Variants in CORO2B observed in about 807,000 individuals in gnomAD.
CORO2B encodes coronin-2B.
A neutral mutation model predicts 58.8 loss-of-function variants in CORO2B; 26 were observed. The observed-to-expected ratio is 0.44, with a 90% confidence interval of 0.32 to 0.61. The LOEUF (loss-of-function observed/expected upper bound fraction) is 0.61. Ranked by LOEUF, CORO2B falls within the 20% of genes least tolerant of loss-of-function variation. CORO2B has a pLI of 0.04. For synonymous variants in CORO2B, 242 were observed against 253.8 expected, an observed-to-expected ratio of 0.95 and a Z score of 0.44; for missense variants, 460 against 645.1, an observed-to-expected ratio of 0.71 and a Z score of 3.11.
Position 68,653,474 on chromosome 15 carries a change from A to T in CORO2B, c.216+8114A>T, listed in dbSNP as rs377644384. On this transcript the variant is annotated intron_variant, in intron 2 of 11. Coordinates refer to ENST00000261861, the MANE Select transcript of CORO2B (RefSeq NM_006091.5). The stretch of plus-strand genomic sequence containing the variant: ...GAGGCAGGTGCCCATCTACTCTGAG[A>T]TGGGGTCTCTTCTTTGCTGATCCTG... Among the ~76,000 whole-genome samples, 70 of 152,214 alleles carry T rather than the reference A, an allele frequency of 4.6e-4. No homozygotes were observed. The South Asian group carries it at 0.012, about 27-fold the overall frequency.
the CORO2B span, among the ~76,000 whole-genome samples, chr15:68,531,558 A>AAGAAAG: frequency 7.5e-6 from 1 of 133,242 alleles, no homozygotes; most frequent in Non-Finnish European, 1.6e-5. Context: ...GAAGGAAGGA[A>AAGAAAG]AGAAAGAGAA....
At chr15:68,698,187 T>G (rs144436761) in intron 3 of CORO2B, among the ~76,000 whole-genome samples, 1 of 152,350 alleles carries the variant, frequency 6.6e-6, no homozygotes, top group Non-Finnish European at 1.5e-5. Flanking sequence ...CCTGGCCTGC[T>G]CGCTGCAAAG....
chr15:68,701,478 A>ATTT (rs71145193), intron 3 of CORO2B, among the ~76,000 whole-genome samples: 13,665 of 38,308 alleles, frequency 0.36, 4,254 homozygotes, highest in Non-Finnish European at 0.47. Flanking sequence ...CGCCCGGCTA[A>ATTT]TTTTTTTTTT....
intron 1 of CORO2B, among the ~76,000 whole-genome samples, chr15:68,607,332 C>T (rs934302502): frequency 3.3e-5 from 5 of 152,182 alleles, no homozygotes; most frequent in African/African-American, 9.7e-5. Context: ...CTTGAGCTTC[C>T]TCATGGCATG....
intron 2 of CORO2B, among the ~76,000 whole-genome samples, chr15:68,671,808 T>C (rs1451492045): frequency 6.6e-6 from 1 of 152,202 alleles, no homozygotes; most frequent in African/African-American, 2.4e-5. Context: ...AACTGGAATC[T>C]TGTGTAACCC....
chr15:68,689,732 A>G (rs563969929), intron 2 of CORO2B, among the ~76,000 whole-genome samples: 2 of 152,326 alleles, frequency 1.3e-5, no homozygotes, highest in Admixed American at 6.5e-5. Flanking sequence ...GATTGCTGAC[A>G]TTTTTTAAAA....
the CORO2B span, among the ~76,000 whole-genome samples, chr15:68,548,088 TG>T: frequency 6.6e-6 from 1 of 151,998 alleles, no homozygotes; most frequent in Admixed American, 6.6e-5. Context: ...GGAGAATTGC[TG>T]GAACCTAGGA....
At chr15:68,696,833 T>C (rs1892523667) in intron 3 of CORO2B, among the ~76,000 whole-genome samples, 1 of 152,200 alleles carries the variant, frequency 6.6e-6, no homozygotes, top group Admixed American at 6.5e-5. Context: ...AAGCCCCTGG[T>C]GTTCCCAGGC....
At chr15:68,538,790 T>C in the CORO2B span, among the ~76,000 whole-genome samples, 1 of 152,088 alleles carries the variant, frequency 6.6e-6, no homozygotes, top group Non-Finnish European at 1.5e-5. Flanking sequence ...TCCCTGGACC[T>C]ATTAGGACTT....
At chr15:68,614,752 C>T (rs1900313364) in intron 1 of CORO2B, among the ~76,000 whole-genome samples, 1 of 152,186 alleles carries the variant, frequency 6.6e-6, no homozygotes, top group South Asian at 2.1e-4. Flanking sequence ...GGGGCTGGTT[C>T]CAGGGCTGCA....
intron 1 of CORO2B, among the ~76,000 whole-genome samples, chr15:68,582,011 G>C (rs1899438913): frequency 2.0e-5 from 3 of 152,220 alleles, no homozygotes; most frequent in Non-Finnish European, 2.9e-5. Context: ...GGCCTGGCAA[G>C]TGGAGAAGAG....
At chr15:68,558,302 G>A in the CORO2B span, among the ~76,000 whole-genome samples, 124 of 152,244 alleles carry the variant, frequency 8.1e-4, 1 homozygote, top group East Asian at 7.2e-3. Flanking sequence ...CAGGCCCAGG[G>A]GTCCTGCTGG....
chr15:68,581,368 G>T (rs145037929), intron 1 of CORO2B, among the ~76,000 whole-genome samples: 1 of 152,186 alleles, frequency 6.6e-6, no homozygotes, highest in Non-Finnish European at 1.5e-5. Flanking sequence ...GCGTGTTCTT[G>T]TGGGGAACAG....
intron 2 of CORO2B, among the ~76,000 whole-genome samples, chr15:68,662,026 A>T (rs11630000): frequency 0.66 from 98,515 of 149,102 alleles, 34,095 homozygotes; most frequent in Admixed American, 0.78. Flanking sequence ...ATAAATAAAT[A>T]AATTAATTAA....
the CORO2B span, among the ~76,000 whole-genome samples, chr15:68,557,328 A>G: frequency 6.6e-6 from 1 of 152,174 alleles, no homozygotes; most frequent in Non-Finnish European, 1.5e-5. Context: ...TCAAGGTCAT[A>G]GCAGAGCTGA....
chr15:68,727,775 G>T lies in CORO2B; in HGVS notation c.*1801G>T, dbSNP rs1003926047. ...TTATTTATGCTGCCTCCCAAGGATA[G>T]AATTGAAATAAAATGTTTTCAACTT... On this transcript the variant is annotated 3_prime_UTR_variant, in exon 12 of 12. Transcript: ENST00000261861. 1 of 152,424 alleles carries T rather than the reference G, an allele frequency of 6.6e-6. No individual in the cohort carries two copies. Among genetic ancestry groups the T allele is most frequent in the Non-Finnish European group, 1.5e-5 (1 of 68,018 alleles). The allele number at this position is 152,424 out of a possible 1,614,324, so 9.4% of individuals were successfully genotyped here.
At chr15:68,530,030 A>C in the CORO2B span, among the ~76,000 whole-genome samples, 1 of 152,192 alleles carries the variant, frequency 6.6e-6, no homozygotes, top group Non-Finnish European at 1.5e-5. Context: ...AATCCTTAAA[A>C]ATATGCTGAG....
chr15:68,659,316 A>C (rs1901933922), intron 2 of CORO2B, among the ~76,000 whole-genome samples: 1 of 152,246 alleles, frequency 6.6e-6, no homozygotes, highest in Non-Finnish European at 1.5e-5. Flanking sequence ...AACTCTGCTG[A>C]CCAGAAGCCT....
chr15:68,656,233 T>A (rs1321624694), intron 2 of CORO2B, among the ~76,000 whole-genome samples: 2 of 142,684 alleles, frequency 1.4e-5, no homozygotes, highest in African/African-American at 5.2e-5. Flanking sequence ...GATGGAGGGA[T>A]GTGGGAGGAA....
Sources: allele counts gnomAD v4.1 joint callset (sites outside exome capture counted in the v4.1 genomes callset), GRCh38; gene constraint gnomAD v4.1.1; transcripts MANE v1.5; gene names NCBI Gene and HGNC (gene_info 2026-07-23, HGNC 2026-07-21).